The following PTPRK variants were observed in gnomAD, a reference collection of about 807,000 sequenced individuals.
The protein encoded by PTPRK is protein tyrosine phosphatase receptor type K, also known as receptor-type tyrosine-protein phosphatase kappa.
Under a neutral mutation model 178.0 loss-of-function variants are expected in PTPRK, and 75 were observed. That is an observed-to-expected ratio of 0.42 (90% confidence interval 0.35 to 0.51). PTPRK has a LOEUF of 0.51. PTPRK is among the 20% of genes least tolerant of loss of function. PTPRK has a pLI of 0.02. For synonymous variants in PTPRK, 637 were observed against 620.6 expected (o/e 1.03, Z -0.39); for missense variants, 1,441 against 1,797.8 (o/e 0.80, Z 3.59).
intron 2 of PTPRK, among the ~76,000 whole-genome samples, chr6:128,371,381 C>A (rs936303622): frequency 6.6e-6 from 1 of 152,168 alleles, no homozygotes; most frequent in Non-Finnish European, 1.5e-5. Context: ...GATAATTTTA[C>A]GTATTCTCAT....
chr6:128,520,572 A>C lies in PTPRK; in HGVS notation c.-214T>G. On this transcript the variant is annotated 5_prime_UTR_variant, in exon 1 of 30. An upstream start codon of the reference 5' UTR is lost. Transcript: ENST00000368226. Reference sequence around the variant, plus strand: ...CGGCCGGCCGCGGCGGCAGCTCTCCATGCTCGGCGGAGGCTGCTCCTGTTA... The same window carrying C: ...CGGCCGGCCGCGGCGGCAGCTCTCCCTGCTCGGCGGAGGCTGCTCCTGTTA... The C allele has an allele frequency of 1.8e-6, 1 of 552,498 alleles. No homozygotes were observed. Among genetic ancestry groups the C allele is most frequent in the East Asian group, 3.0e-5 (1 of 33,390 alleles). The allele number at this position is 552,498 out of a possible 1,614,324, so 34.2% of individuals were successfully genotyped here.
chr6:128,520,227 G>A (rs1033305533), intron 1 of PTPRK, 32 bp downstream of exon 1: 6 of 1,547,210 alleles, frequency 3.9e-6, no homozygotes, highest in Non-Finnish European at 4.4e-6. Flanking sequence ...AGGACTCCAG[G>A]CGTTCGTCGG....
At chr6:128,333,841 A>G (rs539689633) in intron 2 of PTPRK, among the ~76,000 whole-genome samples, 9 of 152,348 alleles carry the variant, frequency 5.9e-5, no homozygotes, top group South Asian at 4.1e-4. Context: ...CTATTGGCCT[A>G]TCTCAGCTTT....
At chr6:128,117,299 A>C (rs1791699466) in intron 7 of PTPRK, among the ~76,000 whole-genome samples, 1 of 152,062 alleles carries the variant, frequency 6.6e-6, no homozygotes. Flanking sequence ...AGTTCTGTAA[A>C]ACCCAGTTTG....
intron 13 of PTPRK, among the ~76,000 whole-genome samples, chr6:128,035,386 A>G (rs1304414540): frequency 6.6e-6 from 1 of 151,900 alleles, no homozygotes; most frequent in Non-Finnish European, 1.5e-5. Flanking sequence ...AAATAAATAA[A>G]TAATTACATT....
In PTPRK at chr6:128,505,238, G is replaced by A. The variant is rs1285326659; in HGVS notation, c.100+15021C>T. The stretch of plus-strand genomic sequence containing the variant: ...CCTGCCTCAGCCTCTTGAGTAGCTG[G>A]GACTACAGGCCTGACCAACAGGAAG... On this transcript the variant is annotated intron_variant, in intron 1 of 29. Transcript: ENST00000368226. 1.3e-4 allele frequency among the ~76,000 whole-genome samples: 19 copies of A among 149,548 alleles called. No individual in the cohort carries two copies. In the East Asian group the frequency reaches 3.6e-3, roughly 29 times the overall value.
chr6:128,415,165 G>A (rs562425371), intron 1 of PTPRK, among the ~76,000 whole-genome samples: 1 of 152,098 alleles, frequency 6.6e-6, no homozygotes, highest in Non-Finnish European at 1.5e-5. Flanking sequence ...ACACAACCTG[G>A]CAGAAAACAC....
chr6:128,463,754 T>G (rs1012485156), intron 1 of PTPRK, among the ~76,000 whole-genome samples: 4 of 140,394 alleles, frequency 2.8e-5, no homozygotes, highest in African/African-American at 8.1e-5. Flanking sequence ...TTTTTTTTTT[T>G]TTTTTTTTTT....
intron 1 of PTPRK, among the ~76,000 whole-genome samples, chr6:128,447,245 A>G (rs1253055918): frequency 1.3e-5 from 2 of 152,246 alleles, no homozygotes; most frequent in Admixed American, 1.3e-4. Context: ...CCTGTGAAAT[A>G]AGAGAAATCC....
intron 2 of PTPRK, among the ~76,000 whole-genome samples, chr6:128,390,242 A>C (rs930902035): frequency 3.9e-5 from 6 of 152,160 alleles, no homozygotes; most frequent in Non-Finnish European, 7.4e-5. Flanking sequence ...TGCTCTAATG[A>C]GACAGCAGAT....
At chr6:128,077,732 AC>A (rs1251192630) in intron 11 of PTPRK, among the ~76,000 whole-genome samples, 1 of 152,022 alleles carries the variant, frequency 6.6e-6, no homozygotes, top group Non-Finnish European at 1.5e-5. Flanking sequence ...TCAAATGGAA[AC>A]TTGTTTAAGT....
At chr6:128,109,534 CCA>C (rs1790296298) in intron 7 of PTPRK, among the ~76,000 whole-genome samples, 1 of 152,054 alleles carries the variant, frequency 6.6e-6, no homozygotes, top group Admixed American at 6.6e-5. Flanking sequence ...ACGACAGAGT[CCA>C]GTGTCAAAAT....
intron 4 of PTPRK, among the ~76,000 whole-genome samples, 194 bp downstream of exon 4, chr6:128,242,327 T>A (rs1457395459): frequency 6.6e-6 from 1 of 152,200 alleles, no homozygotes; most frequent in Admixed American, 6.5e-5. Flanking sequence ...ATACAATTAG[T>A]TACAAGTTTG....
At chr6:128,036,942 G>A (rs966754293) in intron 13 of PTPRK, among the ~76,000 whole-genome samples, 1 of 152,090 alleles carries the variant, frequency 6.6e-6, no homozygotes, top group Admixed American at 6.5e-5. Flanking sequence ...ACGTTGGCCA[G>A]AATGCTCTTG....
intron 1 of PTPRK, among the ~76,000 whole-genome samples, chr6:128,498,860 C>T (rs1380803472): frequency 1.3e-5 from 2 of 152,148 alleles, no homozygotes; most frequent in Non-Finnish European, 2.9e-5. Context: ...AATATCTCTA[C>T]TCACAAGTTT....
intron 1 of PTPRK, among the ~76,000 whole-genome samples, chr6:128,420,825 C>A (rs1843391714): frequency 6.6e-6 from 1 of 152,124 alleles, no homozygotes; most frequent in South Asian, 2.1e-4. Flanking sequence ...TAACATGTAG[C>A]TTAGATTTGA....
At chr6:128,005,333 G>C in intron 14 of PTPRK, 89 bp from the exon 15 acceptor site, 1 of 1,300,272 alleles carries the variant, frequency 7.7e-7, no homozygotes, top group Non-Finnish European at 1.1e-6. Context: ...GTGAGCCCGA[G>C]GATAATGTTA....
At position 128,184,488 on chromosome 6, in the gene PTPRK, C is replaced by G. The variant is rs768871413; in HGVS notation, c.1106G>C (p.Gly369Ala). ...YEIRVLLTRP[G>A]EGGTGLPGPP... Reference sequence around the variant, plus strand: ...TCCTGGGAGCCCCGTTCCACCTTCACCAGGTCTTGTAAGTAGAACTCGGAT... The same window carrying G: ...TCCTGGGAGCCCCGTTCCACCTTCAGCAGGTCTTGTAAGTAGAACTCGGAT... The change falls in exon 7 of 30, where the codon GGT (glycine) becomes GCT (alanine). Residue 369 changes from glycine to alanine, a missense_variant. Physicochemically the swap from Gly to Ala is moderately conservative, Grantham distance 60. Coordinates refer to ENST00000368226, the MANE Select transcript of PTPRK (RefSeq NM_002844.4). 1 of 1,613,734 alleles carries G rather than the reference C, an allele frequency of 6.2e-7. No homozygotes were observed. The highest frequency in any genetic ancestry group is 8.5e-7 in the Non-Finnish European group (1 of 1,179,800).
At chr6:128,145,500 TTTTAA>T (rs528407292) in intron 7 of PTPRK, among the ~76,000 whole-genome samples, 55 of 152,288 alleles carry the variant, frequency 3.6e-4, no homozygotes, top group South Asian at 1.9e-3. Flanking sequence ...TCTGAGTTTA[TTTTAA>T]TTTATTTCAA....
Sources: gnomAD v4.1 joint callset for allele counts (sites outside exome capture counted in the v4.1 genomes callset) on GRCh38, gnomAD v4.1.1 for gene constraint, MANE v1.5 for transcripts, NCBI Gene and HGNC (gene_info 2026-07-23, HGNC 2026-07-21) for gene names.